CCDC146: variants seen among roughly 807,000 people sequenced by gnomAD.
The protein encoded by CCDC146 is coiled-coil domain containing 146.
A neutral mutation model predicts 119.3 loss-of-function variants in CCDC146; 92 were observed. The ratio of observed to expected loss-of-function variants is 0.77; its 90% CI spans 0.65 to 0.92. The LOEUF is 0.92. Among genes scored for constraint, CCDC146 ranks in the 40% least tolerant of loss-of-function variants. CCDC146 has a pLI of 0.00. For synonymous variants in CCDC146, 372 were observed against 371.8 expected, an observed-to-expected ratio of 1.00 and a Z score of -0.01; for missense variants, 1,000 against 1,103.0, an observed-to-expected ratio of 0.91 and a Z score of 1.32.
At chr7:77,132,062 A>G (rs1169545686) in intron 1 of CCDC146, among the ~76,000 whole-genome samples, 1 of 152,196 alleles carries the variant, frequency 6.6e-6, no homozygotes, top group East Asian at 1.9e-4. Context: ...TGTAAATTTA[A>G]AAGTGAATTT....
At chr7:77,177,511 G>A (rs1211047769) in intron 2 of CCDC146, among the ~76,000 whole-genome samples, 3 of 152,144 alleles carry the variant, frequency 2.0e-5, no homozygotes, top group African/African-American at 4.8e-5. Context: ...CCAATCTTCC[G>A]TTTCCTGCTT....
chr7:77,180,025 A>G (rs1791558845), intron 2 of CCDC146, among the ~76,000 whole-genome samples: 1 of 152,164 alleles, frequency 6.6e-6, no homozygotes, highest in Admixed American at 6.5e-5. Flanking sequence ...TCCTCTCCTA[A>G]GATGGAATAA....
chr7:77,202,815 T>C (rs1197347276), intron 2 of CCDC146, among the ~76,000 whole-genome samples: 1 of 152,178 alleles, frequency 6.6e-6, no homozygotes, highest in African/African-American at 2.4e-5. Flanking sequence ...ATTTTACAGT[T>C]TTCAGTTTCT....
intron 2 of CCDC146, chr7:77,194,313 A>G (rs973192990): frequency 2.0e-5 from 3 of 152,124 alleles, no homozygotes; most frequent in South Asian, 2.1e-4. Context: ...AATACATTGT[A>G]TAATATCAAA....
intron 4 of CCDC146, among the ~76,000 whole-genome samples, chr7:77,242,729 A>T (rs761077357): frequency 2.0e-5 from 3 of 152,214 alleles, no homozygotes; most frequent in Admixed American, 6.5e-5. Context: ...AGGTGGCAGA[A>T]CTTTCTCTGG....
At chr7:77,192,689 C>T (rs908450246) in intron 2 of CCDC146, among the ~76,000 whole-genome samples, 6 of 152,150 alleles carry the variant, frequency 3.9e-5, no homozygotes, top group African/African-American at 1.4e-4. Context: ...CTTTGCGAGG[C>T]CTAGGCGGGT....
At chr7:77,166,289 T>C (rs534152184) in intron 1 of CCDC146, among the ~76,000 whole-genome samples, 146 of 152,348 alleles carry the variant, frequency 9.6e-4, no homozygotes, top group African/African-American at 3.4e-3. Flanking sequence ...TGAGAATCAT[T>C]AGCTCAAAAG....
chr7:77,264,445 G>A (rs917760682), intron 9 of CCDC146, among the ~76,000 whole-genome samples: 1 of 152,086 alleles, frequency 6.6e-6, no homozygotes, highest in Non-Finnish European at 1.5e-5. Context: ...TTTTAGTAGA[G>A]ACAGGCTTTC....
intron 1 of CCDC146, among the ~76,000 whole-genome samples, chr7:77,146,045 G>C (rs968137155): frequency 6.6e-6 from 1 of 151,702 alleles, no homozygotes; most frequent in Non-Finnish European, 1.5e-5. Context: ...ATCATTGTGG[G>C]GGAGTCTAGG....
intron 1 of CCDC146, among the ~76,000 whole-genome samples, chr7:77,123,327 A>C (rs971992552): frequency 6.6e-5 from 10 of 150,872 alleles, no homozygotes; most frequent in Non-Finnish European, 1.5e-4. Flanking sequence ...TGGCTCTGCC[A>C]CTGCTTCATC....
chr7:77,135,279 G>A (rs1205402240), intron 1 of CCDC146, among the ~76,000 whole-genome samples: 1 of 152,124 alleles, frequency 6.6e-6, no homozygotes, highest in Non-Finnish European at 1.5e-5. Flanking sequence ...TTTAAGCCCA[G>A]GAGTTTGAGA....
In CCDC146 at chr7:77,258,450, C is replaced by T. The variant is rs149896910; in HGVS notation, c.685-545C>T. The stretch of plus-strand genomic sequence containing the variant: ...TATGCATTTAGTAGACACCACGCTT[C>T]AAGTACCCATGCAACCATTCCGTTT... On this transcript the variant is annotated intron_variant, in intron 6 of 18. Coordinates refer to ENST00000285871, the MANE Select transcript of CCDC146 (RefSeq NM_020879.3). Among the ~76,000 whole-genome samples, 440 of 152,290 alleles carry T rather than the reference C, an allele frequency of 2.9e-3. 3 individuals carry two copies. The highest frequency in any genetic ancestry group is 0.024 in the Middle Eastern group (7 of 294).
intron 14 of CCDC146, among the ~76,000 whole-genome samples, chr7:77,280,904 C>A (rs1018776046): frequency 1.3e-5 from 2 of 152,102 alleles, no homozygotes; most frequent in Admixed American, 1.3e-4. Context: ...GAGTTCGAGA[C>A]CAGCCTGGGC....
chr7:77,161,065 T>G (rs1444287401), intron 1 of CCDC146, among the ~76,000 whole-genome samples: 9 of 152,156 alleles, frequency 5.9e-5, no homozygotes. Flanking sequence ...ATCAGAGAAG[T>G]GCAAATCAAA....
chr7:77,146,106 A>G (rs868738160), intron 1 of CCDC146, among the ~76,000 whole-genome samples: 14 of 151,950 alleles, frequency 9.2e-5, no homozygotes, highest in South Asian at 2.1e-4. Context: ...GTGCTCTTGT[A>G]TTGGGTGCAT....
At position 77,154,499 on chromosome 7, in the gene CCDC146, C is replaced by T. The variant is rs1020500731; in HGVS notation, c.-11-13159C>T. On this transcript the variant is annotated intron_variant, in intron 1 of 18. Transcript: ENST00000285871. The stretch of plus-strand genomic sequence containing the variant: ...GGCCCCGGTGTGTGATGTTCCCCTT[C>T]CTGTGTCCATGTGTTCTCATTGTTC... 4.9e-5 allele frequency among the ~76,000 whole-genome samples: 7 copies of T among 142,814 alleles called. 1 individual carries two copies. The Admixed American group carries it at 4.9e-4, about 10-fold the overall frequency. The allele number at this position is 142,814 out of a possible 152,430, so 93.7% of individuals were successfully genotyped here.
chr7:77,215,174 T>C (rs1481388620), intron 2 of CCDC146, among the ~76,000 whole-genome samples: 1 of 138,936 alleles, frequency 7.2e-6, no homozygotes, highest in East Asian at 2.2e-4. Context: ...TTGTGGGGTG[T>C]TTTTATTTTT....
At chr7:77,289,659 A>G (rs1793909341) in intron 17 of CCDC146, among the ~76,000 whole-genome samples, 1 of 152,258 alleles carries the variant, frequency 6.6e-6, no homozygotes, top group African/African-American at 2.4e-5. Flanking sequence ...GCCACATTCA[A>G]AAAGATTGCA....
chr7:77,175,911 C>A (rs1212351221), intron 2 of CCDC146, among the ~76,000 whole-genome samples: 2 of 150,848 alleles, frequency 1.3e-5, no homozygotes, highest in African/African-American at 4.9e-5. Flanking sequence ...TATTTGTGAA[C>A]AAGAAGATTG....
Sources: gnomAD v4.1 joint callset for allele counts (sites outside exome capture counted in the v4.1 genomes callset) on GRCh38, gnomAD v4.1.1 for gene constraint, MANE v1.5 for transcripts, NCBI Gene and HGNC (gene_info 2026-07-23, HGNC 2026-07-21) for gene names.